Variants in SHROOM2 observed in about 807,000 individuals in gnomAD.
SHROOM2 encodes the protein shroom family member 2.
Under a neutral mutation model 75.9 loss-of-function variants are expected in SHROOM2, and 33 were observed. The ratio of observed to expected loss-of-function variants is 0.43; its 90% CI spans 0.33 to 0.58. The LOEUF (loss-of-function observed/expected upper bound fraction) is 0.58. Ranked by LOEUF, SHROOM2 falls within the 20% of genes least tolerant of loss-of-function variation. The probability of loss-of-function intolerance (pLI) is 0.04; values close to 1 mark genes in which losing one functional copy is unlikely to be tolerated. For synonymous variants in SHROOM2, 655 were observed against 663.6 expected, an observed-to-expected ratio of 0.99 and a Z score of 0.20; for missense variants, 1,434 against 1,461.2, an observed-to-expected ratio of 0.98 and a Z score of 0.30.
At chrX:9,916,367 C>T (rs969820452) in intron 5 of SHROOM2, among the ~76,000 whole-genome samples, 8 of 112,440 alleles carry the variant, frequency 7.1e-5, no homozygotes, top group African/African-American at 2.6e-4. Context: ...TGTAGCCATA[C>T]TGTGGACATT....
At chrX:9,887,808 A>G (rs1196281107) in intron 2 of SHROOM2, among the ~76,000 whole-genome samples, 1 of 113,039 alleles carries the variant, frequency 8.8e-6, no homozygotes, top group Non-Finnish European at 1.9e-5. Context: ...AGACAGTCGC[A>G]GGGGCGTAGC....
In SHROOM2 at chrX:9,937,485, C is replaced by T. The variant is rs781336932; in HGVS notation, c.3939C>T (p.Asp1313=). 5 of 1,209,804 alleles carry T rather than the reference C, an allele frequency of 4.1e-6. No homozygotes were observed. The highest frequency in any genetic ancestry group is 5.6e-6 in the Non-Finnish European group (5 of 895,107). Residue 1313 remains aspartate (D), a synonymous_variant, in exon 7 of 10, where the codon GAC becomes GAT. Transcript: ENST00000380913. ...YMKAKEKTVE[D]LKSEELAREI... The stretch of plus-strand genomic sequence containing the variant: ...AGGCCAAAGAGAAGACTGTGGAAGA[C>T]CTGAAGTCGGAGGAGCTGGCCAGGG...
intron 1 of SHROOM2, among the ~76,000 whole-genome samples, chrX:9,821,750 A>G (rs1308408569): frequency 1.8e-5 from 2 of 111,943 alleles, no homozygotes; most frequent in African/African-American, 6.5e-5. Context: ...GAATATGCAA[A>G]GGCAGCAAAA....
intron 1 of SHROOM2, among the ~76,000 whole-genome samples, chrX:9,801,984 A>C (rs1047828022): frequency 8.9e-5 from 10 of 111,749 alleles, no homozygotes; most frequent in Non-Finnish European, 1.9e-4. Flanking sequence ...AAAAATAAAA[A>C]TAAAATTAAT....
At chrX:9,836,856 ATTCC>A (rs2083948819) in intron 1 of SHROOM2, among the ~76,000 whole-genome samples, 1 of 111,816 alleles carries the variant, frequency 8.9e-6, no homozygotes, top group African/African-American at 3.3e-5. Context: ...GATTCTTTTT[ATTCC>A]TTTAAGCCAT....
intron 5 of SHROOM2, among the ~76,000 whole-genome samples, chrX:9,907,107 C>T (rs1328098180): frequency 9.0e-6 from 1 of 111,390 alleles, no homozygotes; most frequent in Non-Finnish European, 1.9e-5. Flanking sequence ...GGGCCTTTCG[C>T]TTCTCCACAT....
At chrX:9,838,062 T>C (rs1440361873) in intron 1 of SHROOM2, among the ~76,000 whole-genome samples, 2 of 96,656 alleles carry the variant, frequency 2.1e-5, no homozygotes, top group Non-Finnish European at 4.2e-5. Flanking sequence ...GTGTGGTTTT[T>C]TTTTTTTTTT....
intron 1 of SHROOM2, among the ~76,000 whole-genome samples, chrX:9,788,257 C>T (rs1174876391): frequency 1.1e-4 from 11 of 99,954 alleles, no homozygotes; most frequent in South Asian, 4.6e-4. Flanking sequence ...CACTGGGGCT[C>T]ATTAAAAAAT....
intron 5 of SHROOM2, among the ~76,000 whole-genome samples, chrX:9,898,503 C>T (rs1394449605): frequency 8.9e-6 from 1 of 112,497 alleles, no homozygotes; most frequent in Non-Finnish European, 1.9e-5. Flanking sequence ...CATCCCAGGG[C>T]GGGGAGGCCT....
intron 5 of SHROOM2, among the ~76,000 whole-genome samples, chrX:9,931,234 CCCTCCCAACACTTTGGGACCAGA>C (rs1250214933): frequency 9.1e-6 from 1 of 110,162 alleles, no homozygotes; most frequent in South Asian, 4.0e-4. Context: ...GAGGAGGCTG[CCCTCCCAACACTTTGGGACCAGA>C]CCTCCCAACA....
intron 8 of SHROOM2, among the ~76,000 whole-genome samples, chrX:9,943,757 C>T (rs1156912716): frequency 8.9e-6 from 1 of 112,326 alleles, no homozygotes; most frequent in Non-Finnish European, 1.9e-5. Flanking sequence ...GCATTTTGGT[C>T]AAGTTGAAAT....
rs185264923 is a variant in SHROOM2 at position 9,816,844 on chromosome X, G to T, written c.165+30134G>T. On this transcript the variant is annotated intron_variant, in intron 1 of 9. Coordinates refer to ENST00000380913, the MANE Select transcript of SHROOM2 (RefSeq NM_001649.4). ...AACCTTCACCTCTTCATCATTTCTG[G>T]TTATATTTCAGAAACCCGTGCTATA... Among the ~76,000 whole-genome samples the T allele has an allele frequency of 2.1e-4, 23 of 111,551 alleles. No individual in the cohort carries two copies. The East Asian group carries it at 5.4e-3, about 26-fold the overall frequency.
intron 5 of SHROOM2, among the ~76,000 whole-genome samples, chrX:9,907,175 T>C (rs1395978082): frequency 9.0e-6 from 1 of 111,539 alleles, no homozygotes; most frequent in East Asian, 2.8e-4. Flanking sequence ...GAGTCAGGTA[T>C]GTGGATGTCC....
At chrX:9,876,822 A>C (rs1442794078) in intron 2 of SHROOM2, among the ~76,000 whole-genome samples, 1 of 112,185 alleles carries the variant, frequency 8.9e-6, no homozygotes, top group Non-Finnish European at 1.9e-5. Flanking sequence ...TTGTTTGTTA[A>C]AGACAGGTTC....
chrX:9,884,576 G>A (rs746576408), intron 2 of SHROOM2, among the ~76,000 whole-genome samples: 26 of 105,529 alleles, frequency 2.5e-4, no homozygotes, highest in Non-Finnish European at 4.6e-4. Context: ...ATAATAGCTC[G>A]CTGCAGCCTT....
intron 1 of SHROOM2, among the ~76,000 whole-genome samples, chrX:9,831,553 G>T (rs192336533): frequency 6.9e-4 from 78 of 112,508 alleles, no homozygotes; most frequent in African/African-American, 2.5e-3. Context: ...AGCTACTTGG[G>T]AGGCTGAGGC....
At chrX:9,822,773 A>G (rs1426436378) in intron 1 of SHROOM2, among the ~76,000 whole-genome samples, 1 of 111,631 alleles carries the variant, frequency 9.0e-6, no homozygotes, top group East Asian at 2.9e-4. Flanking sequence ...AGGTGTGGCT[A>G]GGCTGCTTCA....
At position 9,947,160 on chromosome X, in the gene SHROOM2, A is replaced by G. The variant is rs1231200419; in HGVS notation, c.*223A>G. ...TGAGAGCCATTTTCCTTTACACATA[A>G]CTACACCTGACACCAGGCTCTGCTG... On this transcript the variant is annotated 3_prime_UTR_variant, in exon 10 of 10. Coordinates refer to ENST00000380913, the MANE Select transcript of SHROOM2 (RefSeq NM_001649.4). 2 of 408,429 alleles carry G rather than the reference A, an allele frequency of 4.9e-6. No homozygotes were observed. Among genetic ancestry groups the G allele is most frequent in the East Asian group, 4.1e-5 (1 of 24,215 alleles). The allele number at this position is 408,429 out of a possible 1,213,427, so 33.7% of individuals were successfully genotyped here. A position where few individuals can be genotyped will look rare whatever the true frequency, so the allele number is the denominator to read the frequency against.
intron 5 of SHROOM2, among the ~76,000 whole-genome samples, chrX:9,912,198 GACACAC>G (rs57939278): frequency 0.096 from 1,539 of 16,007 alleles, 249 homozygotes; most frequent in African/African-American, 0.22. Flanking sequence ...TAAATTACAA[GACACAC>G]ACACACACAC....
Sources: allele counts gnomAD v4.1 joint callset (sites outside exome capture counted in the v4.1 genomes callset), GRCh38; gene constraint gnomAD v4.1.1; transcripts MANE v1.5; gene names NCBI Gene and HGNC (gene_info 2026-07-23, HGNC 2026-07-21).